KIFAP3: variants seen among roughly 807,000 people sequenced by gnomAD.
KIFAP3 encodes the protein kinesin-associated protein 3.
Under a neutral mutation model 106.5 loss-of-function variants are expected in KIFAP3, and 68 were observed. That is an observed-to-expected ratio of 0.64 (90% CI 0.53 to 0.78). The LOEUF is 0.78. Ranked by LOEUF, KIFAP3 falls within the 30% of genes least tolerant of loss-of-function variation. The pLI, the probability that KIFAP3 is intolerant of heterozygous loss-of-function variation, is 0.00. For synonymous variants in KIFAP3, 320 were observed against 311.5 expected, an observed-to-expected ratio of 1.03 and a Z score of -0.29; for missense variants, 780 against 941.8, an observed-to-expected ratio of 0.83 and a Z score of 2.25.
At chr1:170,064,170 C>T (rs1221627274) in intron 1 of KIFAP3, among the ~76,000 whole-genome samples, 2 of 152,186 alleles carry the variant, frequency 1.3e-5, no homozygotes, top group East Asian at 1.9e-4. Flanking sequence ...GTTTTCTCTA[C>T]AAACTAATAT....
rs116755924 is a variant in KIFAP3, at chr1:169,984,674, A to C, written c.1301T>G (p.Phe434Cys). 3,213 of 1,600,084 alleles carry C rather than the reference A, an allele frequency of 2.0e-3. 4 individuals carry two copies. The highest frequency in any genetic ancestry group is 2.3e-3 in the Non-Finnish European group (2,686 of 1,169,508). Residue 434 changes from phenylalanine to cysteine, a missense_variant, in exon 12 of 20, where the codon TTT (phenylalanine) becomes TGT (cysteine). Physicochemically the swap from Phe to Cys is radical, Grantham distance 205. Around this residue, in one of 3 missense-constraint regions of KIFAP3, gnomAD observed 588 missense variants for 678.9 expected, o/e 0.87. Coordinates refer to ENST00000361580, the MANE Select transcript of KIFAP3 (RefSeq NM_014970.4). ...GTCAATTCGTTCATCTGAACATTCA[A>C]ACAGCATCTTCATTAACTAGCAAGA... ...DCIPQLMKML[F>C]ECSDERIDLE...
chr1:169,930,991 C>T (rs1357049919), intron 19 of KIFAP3, among the ~76,000 whole-genome samples: 1 of 147,026 alleles, frequency 6.8e-6, no homozygotes, highest in Non-Finnish European at 1.5e-5. Flanking sequence ...GCAATCCTGG[C>T]TCACTGCAAC....
At chr1:169,999,596 T>C (rs982385121) in intron 10 of KIFAP3, among the ~76,000 whole-genome samples, 1 of 152,196 alleles carries the variant, frequency 6.6e-6, no homozygotes, top group Admixed American at 6.5e-5. Context: ...TCATTATGAT[T>C]CCTTTGGTAT....
intron 1 of KIFAP3, among the ~76,000 whole-genome samples, chr1:170,058,269 C>G (rs1023820732): frequency 2.0e-5 from 3 of 151,964 alleles, no homozygotes; most frequent in Non-Finnish European, 1.5e-5. Flanking sequence ...TTATTCTTTT[C>G]AAAAGGATTT....
intron 19 of KIFAP3, among the ~76,000 whole-genome samples, chr1:169,922,552 G>T (rs185243260): frequency 3.3e-5 from 5 of 152,242 alleles, no homozygotes; most frequent in Admixed American, 2.0e-4. Context: ...TTACTTGTTG[G>T]TCTATTAATA....
intron 19 of KIFAP3, among the ~76,000 whole-genome samples, chr1:169,928,480 T>C (rs1366204929): frequency 6.6e-6 from 1 of 151,914 alleles, no homozygotes; most frequent in East Asian, 1.9e-4. Flanking sequence ...GAGGCTGAGG[T>C]AGGCGGGTTG....
intron 10 of KIFAP3, among the ~76,000 whole-genome samples, chr1:170,007,042 C>A (rs1668002164): frequency 6.6e-6 from 1 of 152,032 alleles, no homozygotes; most frequent in South Asian, 2.1e-4. Flanking sequence ...AGTACTGAGT[C>A]CTGGAAAACC....
chr1:169,965,031 T>A (rs1013314736), intron 17 of KIFAP3, among the ~76,000 whole-genome samples: 2 of 152,142 alleles, frequency 1.3e-5, no homozygotes, highest in African/African-American at 4.8e-5. Context: ...ATTTAATACA[T>A]TAAAAAGCAA....
rs979841277 is a variant in KIFAP3, at chr1:170,037,451, G to A, written c.517+839C>T. 7.9e-5 allele frequency among the ~76,000 whole-genome samples: 12 copies of A among 152,096 alleles called. No individual in the cohort carries two copies. The East Asian group carries it at 1.9e-3, about 25-fold the overall frequency. On this transcript the variant is annotated intron_variant, in intron 5 of 19. Transcript: ENST00000361580. ...GCATTTAAAATGATTCTATAGGCAG[G>A]GCGCCTGGTGGCTCACACCTGTAAT...
intron 9 of KIFAP3, chr1:170,023,946 T>A (rs1323904517): frequency 6.6e-6 from 1 of 152,122 alleles, no homozygotes; most frequent in African/African-American, 2.4e-5. Flanking sequence ...AAGAGATTTT[T>A]AAGAAACAAT....
At chr1:170,000,433 G>A (rs510681) in intron 10 of KIFAP3, among the ~76,000 whole-genome samples, 142,624 of 152,206 alleles carry the variant, frequency 0.94, 66,908 homozygotes, top group East Asian at 1. Context: ...TGAATACAAC[G>A]TGCTTCAAAA....
intron 3 of KIFAP3, chr1:170,041,821 T>C: frequency 6.7e-7 from 1 of 1,493,506 alleles, no homozygotes; most frequent in Non-Finnish European, 8.9e-7. Flanking sequence ...TCTTCAGAAG[T>C]CCTGCTGACC....
chr1:169,997,908 A>C (rs1331134073), intron 10 of KIFAP3, among the ~76,000 whole-genome samples: 1 of 151,256 alleles, frequency 6.6e-6, no homozygotes, highest in African/African-American at 2.4e-5. Context: ...AAAAAAAAAA[A>C]AACTCTGCTG....
intron 10 of KIFAP3, 139 bp downstream of exon 10, chr1:170,016,323 T>C (rs964153968): frequency 4.7e-6 from 3 of 639,890 alleles, no homozygotes; most frequent in Non-Finnish European, 7.8e-6. Context: ...CTTACTCTGC[T>C]TATTTTTATT....
chr1:170,073,955 C>T (rs567919267), intron 1 of KIFAP3, among the ~76,000 whole-genome samples: 2 of 152,308 alleles, frequency 1.3e-5, no homozygotes, highest in African/African-American at 4.8e-5. Flanking sequence ...ATCAACATCT[C>T]AATTCAGCCT....
chr1:169,948,218 T>G (rs1664543736), intron 19 of KIFAP3, among the ~76,000 whole-genome samples: 1 of 151,746 alleles, frequency 6.6e-6, no homozygotes, highest in African/African-American at 2.4e-5. Flanking sequence ...TGTTTAGGAG[T>G]GCTGTTTTGC....
chr1:170,013,934 C>T (rs1007848652), intron 10 of KIFAP3, among the ~76,000 whole-genome samples: 27 of 152,248 alleles, frequency 1.8e-4, no homozygotes, highest in Non-Finnish European at 3.4e-4. Context: ...ATTTCTGTTC[C>T]TGGTACTAGC....
At chr1:170,057,251 C>T (rs956960048) in intron 1 of KIFAP3, among the ~76,000 whole-genome samples, 5 of 152,044 alleles carry the variant, frequency 3.3e-5, no homozygotes, top group African/African-American at 1.2e-4. Context: ...ATATTGGCAG[C>T]TGGGGGAATT....
At chr1:170,026,133 GACCC>G (rs1165024458) in intron 8 of KIFAP3, among the ~76,000 whole-genome samples, 1 of 152,112 alleles carries the variant, frequency 6.6e-6, no homozygotes, top group Non-Finnish European at 1.5e-5. Context: ...GAATTGCTGG[GACCC>G]ACCAAAAGCT....
Sources: allele counts gnomAD v4.1 joint callset (sites outside exome capture counted in the v4.1 genomes callset), GRCh38; gene constraint gnomAD v4.1.1; regional missense constraint gnomAD v4.1.1; transcripts MANE v1.5; gene names NCBI Gene and HGNC (gene_info 2026-07-23, HGNC 2026-07-21).